IRAG1: variants seen among roughly 807,000 people sequenced by gnomAD.
The protein encoded by IRAG1 is IP3R-associated cGMP kinase substrate.
Under a neutral mutation model 106.2 loss-of-function variants are expected in IRAG1, and 62 were observed. The observed-to-expected ratio is 0.58, with a 90% CI of 0.48 to 0.72. The LOEUF (loss-of-function observed/expected upper bound fraction) is 0.72, where lower values mean the gene tolerates loss of function less well. Ranked by LOEUF, IRAG1 falls within the 30% of genes least tolerant of loss-of-function variation. IRAG1 has a pLI of 0.00. For missense variants in IRAG1, 1,064 were observed against 1,140.7 expected (o/e 0.93, Z 0.97); for synonymous variants, 462 against 443.9 (o/e 1.04, Z -0.51).
Position 10,628,735 on chromosome 11 carries a change from G to A in IRAG1, c.652+16C>T. 6.6e-7 allele frequency: 1 copy of A among 1,522,832 alleles called. No homozygotes were observed. The highest frequency in any genetic ancestry group is 8.8e-7 in the Non-Finnish European group (1 of 1,140,174). 94.3% of individuals were successfully genotyped at this position (1,522,832 alleles called of 1,614,324 possible). On this transcript the variant is annotated intron_variant, in intron 6 of 20. Coordinates refer to ENST00000423302, the MANE Select transcript of IRAG1 (RefSeq NM_130385.4). This position sits in a 1 kb window ranked among gnomAD's most constrained non-coding sequence, Gnocchi z 4.1. Reference sequence around the variant, plus strand: ...CGAGAGGCAGGGCAGGAAGTCCCCGGGCAGCTGGGCCTCACCTGGCGGGGT... The same window carrying A: ...CGAGAGGCAGGGCAGGAAGTCCCCGAGCAGCTGGGCCTCACCTGGCGGGGT...
At chr11:10,680,051 A>G (rs1402097046) in intron 1 of IRAG1, among the ~76,000 whole-genome samples, 2 of 151,916 alleles carry the variant, frequency 1.3e-5, no homozygotes, top group Non-Finnish European at 2.9e-5. Flanking sequence ...AGGCAGGTAG[A>G]TCACCTGAGG....
intron 8 of IRAG1, among the ~76,000 whole-genome samples, chr11:10,627,240 GGT>G (rs748415684): frequency 5.9e-5 from 9 of 152,168 alleles, no homozygotes; most frequent in Non-Finnish European, 1.3e-4. Flanking sequence ...CCCAGTTCCA[GGT>G]GACACTAAAT....
intron 14 of IRAG1, 89 bp from the exon 15 acceptor site, chr11:10,601,148 G>C: frequency 1.3e-6 from 2 of 1,540,456 alleles, no homozygotes; most frequent in Non-Finnish European, 8.8e-7. Flanking sequence ...TCTGGGCTAG[G>C]AGAATCAAAA....
intron 1 of IRAG1, among the ~76,000 whole-genome samples, chr11:10,663,618 C>T (rs1433919220): frequency 1.3e-5 from 2 of 152,210 alleles, no homozygotes; most frequent in African/African-American, 4.8e-5. Context: ...TCTATGACAG[C>T]ACTGTGTGGC....
At chr11:10,625,566 C>A (rs189288823) in intron 9 of IRAG1, among the ~76,000 whole-genome samples, 2 of 152,186 alleles carry the variant, frequency 1.3e-5, no homozygotes, top group East Asian at 3.9e-4. Flanking sequence ...CACTATTTCA[C>A]CCTTGCTAGC....
chr11:10,656,958 C>T (rs1310159667), intron 1 of IRAG1, among the ~76,000 whole-genome samples: 3 of 152,166 alleles, frequency 2.0e-5, no homozygotes, highest in Non-Finnish European at 4.4e-5. Flanking sequence ...ACAGGACCTA[C>T]ACTTCGGTTG....
At chr11:10,638,469 G>C (rs949157967) in intron 2 of IRAG1, among the ~76,000 whole-genome samples, 13 of 152,030 alleles carry the variant, frequency 8.6e-5, no homozygotes, top group African/African-American at 2.4e-4. Context: ...CATCTGGGCA[G>C]CCTCATGCCT....
intron 13 of IRAG1, 141 bp from the exon 14 acceptor site, chr11:10,603,392 GA>G: frequency 1.1e-6 from 1 of 890,530 alleles, no homozygotes; most frequent in East Asian, 2.7e-5. Flanking sequence ...GTTTGGGGAT[GA>G]AACTCTTCCA....
intron 2 of IRAG1, among the ~76,000 whole-genome samples, chr11:10,640,388 C>T (rs1449683194): frequency 6.6e-6 from 1 of 152,220 alleles, no homozygotes; most frequent in Non-Finnish European, 1.5e-5. Flanking sequence ...GATGGAACAT[C>T]CTGGAAGGTT....
At chr11:10,631,058 T>A (rs988609378) in intron 4 of IRAG1, among the ~76,000 whole-genome samples, 9 of 152,196 alleles carry the variant, frequency 5.9e-5, no homozygotes, top group African/African-American at 9.7e-5. Context: ...TTGGCTACCA[T>A]GTGTTGAAGA....
At chr11:10,642,885 C>A in intron 2 of IRAG1, among the ~76,000 whole-genome samples, 1 of 151,460 alleles carries the variant, frequency 6.6e-6, no homozygotes, top group Middle Eastern at 3.3e-3. Context: ...ACTCTCTGGG[C>A]CGGGCACGGT....
intron 1 of IRAG1, among the ~76,000 whole-genome samples, chr11:10,654,226 T>C (rs1858745893): frequency 7.4e-6 from 1 of 134,372 alleles, no homozygotes; most frequent in African/African-American, 2.6e-5. Flanking sequence ...TCAGCCCAGC[T>C]CTGACAGACC....
chr11:10,638,008 C>A (rs941439470), intron 2 of IRAG1, among the ~76,000 whole-genome samples: 29 of 152,142 alleles, frequency 1.9e-4, no homozygotes, highest in African/African-American at 7.0e-4. Context: ...CTCTTCACAT[C>A]ATTAAAAAGG....
At chr11:10,632,133 A>G (rs1328912590) in intron 3 of IRAG1, 72 bp from the exon 4 acceptor site, 34 of 968,326 alleles carry the variant, frequency 3.5e-5, no homozygotes, top group Non-Finnish European at 5.4e-5. Flanking sequence ...AGATGCCTGT[A>G]TATTCTTTTT....
In IRAG1 at chr11:10,629,201, G is replaced by A. The variant is rs567605669; in HGVS notation, c.574+337C>T. On this transcript the variant is annotated intron_variant, in intron 5 of 20. Transcript: ENST00000423302. ...TCAAAAGCTCCCCTTGTCCTCCTAAGTACACTTACACACTTGCCCAACTTT... is the reference window on the plus strand; with the variant it reads ...TCAAAAGCTCCCCTTGTCCTCCTAAATACACTTACACACTTGCCCAACTTT... Among the ~76,000 whole-genome samples the A allele has an allele frequency of 3.9e-5, 6 of 152,270 alleles. No individual in the cohort carries two copies. In the South Asian group the frequency reaches 1.2e-3, roughly 32 times the overall value.
At chr11:10,643,894 G>C (rs1278911875) in intron 2 of IRAG1, among the ~76,000 whole-genome samples, 1 of 152,210 alleles carries the variant, frequency 6.6e-6, no homozygotes, top group Non-Finnish European at 1.5e-5. Flanking sequence ...CTGTTTCATT[G>C]CTCACAATAG....
rs1485387444 is a variant in IRAG1 at position 10,607,970 on chromosome 11, C to G, written c.1572-1198G>C. Among the ~76,000 whole-genome samples, 3 of 152,186 alleles carry G rather than the reference C, an allele frequency of 2.0e-5. No individual in the cohort carries two copies. In the East Asian group the frequency reaches 5.8e-4, roughly 29 times the overall value. ...ATATGATTTAAATGATTTGGCAAAA[C>G]TTGCCAAGTTTGTTTCTGACTCCTG... On this transcript the variant is annotated intron_variant, in intron 11 of 20. Transcript: ENST00000423302.
intron 1 of IRAG1, among the ~76,000 whole-genome samples, chr11:10,679,920 C>G (rs1861009420): frequency 6.6e-6 from 1 of 152,130 alleles, no homozygotes; most frequent in South Asian, 2.1e-4. Context: ...TATAATGTTT[C>G]CCAAATTTAT....
chr11:10,587,528 A>T (rs1273779554), intron 18 of IRAG1, among the ~76,000 whole-genome samples: 1 of 152,228 alleles, frequency 6.6e-6, no homozygotes, highest in East Asian at 1.9e-4. Flanking sequence ...TGCTTACTGT[A>T]CAAATTTAGT....
Sources: allele counts gnomAD v4.1 joint callset (sites outside exome capture counted in the v4.1 genomes callset), GRCh38; gene constraint gnomAD v4.1.1; non-coding constraint Gnocchi (gnomAD v3.1); transcripts MANE v1.5; gene names NCBI Gene and HGNC (gene_info 2026-07-23, HGNC 2026-07-21).